ZNF215: variants seen among roughly 807,000 people sequenced by gnomAD.
ZNF215 encodes zinc finger protein 215.
Under a neutral mutation model 27.2 loss-of-function variants are expected in ZNF215, and 24 were observed. The ratio of observed to expected loss-of-function variants is 0.88; its 90% CI spans 0.64 to 1.24. The LOEUF (loss-of-function observed/expected upper bound fraction) is 1.24, where lower values mean the gene tolerates loss of function less well. Ranked by LOEUF, ZNF215 falls within the 50% of genes most tolerant of loss-of-function variation. The probability of loss-of-function intolerance (pLI) is 0.00; values close to 1 mark genes in which losing one functional copy is unlikely to be tolerated. For synonymous variants in ZNF215, 210 were observed against 204.0 expected, an observed-to-expected ratio of 1.03 and a Z score of -0.25; for missense variants, 675 against 605.7, an observed-to-expected ratio of 1.11 and a Z score of -1.20.
At chr11:6,948,252 C>G (rs1849897508) in intron 6 of ZNF215, among the ~76,000 whole-genome samples, 1 of 152,294 alleles carries the variant, frequency 6.6e-6, no homozygotes, top group African/African-American at 2.4e-5. Flanking sequence ...CCCCCAGAGT[C>G]TCACCTACTA....
At chr11:6,935,284 G>A (rs1170059908) in intron 3 of ZNF215, among the ~76,000 whole-genome samples, 1 of 152,214 alleles carries the variant, frequency 6.6e-6, no homozygotes, top group Non-Finnish European at 1.5e-5. Context: ...TGACCTTCAA[G>A]TGCTACACAA....
chr11:6,972,178 A>G (rs1850731183), intron 5 of ZNF215, among the ~76,000 whole-genome samples: 1 of 152,208 alleles, frequency 6.6e-6, no homozygotes, highest in Non-Finnish European at 1.5e-5. Context: ...AGGCATCAGT[A>G]ACCTTTTGTT....
At chr11:6,991,962 G>A (rs1356127667), downstream of ZNF215, among the ~76,000 whole-genome samples, 5 of 152,100 alleles carry the variant, frequency 3.3e-5, no homozygotes, top group Non-Finnish European at 7.3e-5. Context: ...TCCCCTTCCT[G>A]TGAATCTAGG....
intron 3 of ZNF215, among the ~76,000 whole-genome samples, chr11:6,939,220 A>T (rs117191242): frequency 6.6e-6 from 1 of 152,296 alleles, no homozygotes; most frequent in East Asian, 1.9e-4. Context: ...GGGTTGCTGG[A>T]AGGGGTGTCT....
chr11:6,955,938 A>G lies in ZNF215; in HGVS notation c.961A>G (p.Ile321Val), dbSNP rs1209999596. 8.7e-6 allele frequency: 14 copies of G among 1,613,054 alleles called. 1 individual carries two copies. Among genetic ancestry groups the G allele is most frequent in the African/African-American group, 1.3e-5 (1 of 74,834 alleles). ...TAATTCAGTTAGCTCAATTTGTGCTATACAAGTGGGAATTCCTTCAAGAAA... is the reference window on the plus strand; with the variant it reads ...TAATTCAGTTAGCTCAATTTGTGCTGTACAAGTGGGAATTCCTTCAAGAAA... ...DINSVSSICA[I>V]QVGIPSRKGS... Residue 321 changes from isoleucine (I) to valine (V), a missense_variant, in exon 7 of 7, where the codon ATA becomes GTA. Transcript: ENST00000278319.
At chr11:6,950,767 A>G (rs1336946709) in intron 6 of ZNF215, among the ~76,000 whole-genome samples, 14 of 148,562 alleles carry the variant, frequency 9.4e-5, no homozygotes, top group Non-Finnish European at 1.6e-4. Flanking sequence ...TTCCAACACT[A>G]TGTTGAATAG....
At chr11:6,933,615 G>A (rs1467386030) in intron 3 of ZNF215, among the ~76,000 whole-genome samples, 11 of 151,722 alleles carry the variant, frequency 7.3e-5, no homozygotes, top group Admixed American at 5.9e-4. Context: ...GTGAAACCCC[G>A]TCTCTACTAA....
Position 6,956,390 on chromosome 11 carries a change from C to T in ZNF215, c.1413C>T (p.Phe471=), listed in dbSNP as rs748539910. The T allele has an allele frequency of 6.2e-6, 10 of 1,614,046 alleles. No individual in the cohort carries two copies. Among genetic ancestry groups the T allele is most frequent in the Admixed American group, 1.7e-5 (1 of 59,992 alleles). The change falls in exon 7 of 7, where the codon TTC becomes TTT. Residue 471 remains phenylalanine, a synonymous_variant. Coordinates refer to ENST00000278319, the MANE Select transcript of ZNF215 (RefSeq NM_013250.4). ...AATGTGTTAACTGTGGAAAATCCTT[C>T]AACCGGAGCTCCTCTCTTATTCGAC... ...FYQCVNCGKS[F]NRSSSLIRHQ...
At chr11:6,961,654 C>T (rs1340784662), downstream of ZNF215, among the ~76,000 whole-genome samples, 1 of 152,124 alleles carries the variant, frequency 6.6e-6, no homozygotes, top group Non-Finnish European at 1.5e-5. Context: ...TTTCAGACTG[C>T]CATCGGGCCT....
In ZNF215 at chr11:6,932,257, A is replaced by G. The variant is rs753784505; in HGVS notation, c.-16A>G. ...TAAGGCGGATTTGAACTACTGTGGGAGTTCTATTTAGGAAGATGCAGCCTC... is the reference window on the plus strand; with the variant it reads ...TAAGGCGGATTTGAACTACTGTGGGGGTTCTATTTAGGAAGATGCAGCCTC... On this transcript the variant is annotated 5_prime_UTR_variant, in exon 3 of 7. Transcript: ENST00000278319. 8.7e-6 allele frequency: 14 copies of G among 1,608,410 alleles called. No individual in the cohort carries two copies. Among genetic ancestry groups the G allele is most frequent in the Non-Finnish European group, 1.2e-5 (14 of 1,177,302 alleles).
chr11:6,949,769 T>A (rs1008503886), intron 6 of ZNF215, among the ~76,000 whole-genome samples: 3 of 152,296 alleles, frequency 2.0e-5, no homozygotes, highest in East Asian at 1.9e-4. Context: ...GGCTTTTGTT[T>A]CCATTGCTTT....
At chr11:6,934,851 G>A (rs1164952331) in intron 3 of ZNF215, among the ~76,000 whole-genome samples, 1 of 152,124 alleles carries the variant, frequency 6.6e-6, no homozygotes, top group African/African-American at 2.4e-5. Flanking sequence ...TGCCCATCAT[G>A]TGGGTTAAAA....
chr11:6,927,804 T>G lies in ZNF215; in HGVS notation c.-183T>G, dbSNP rs1158332987. 6.6e-6 allele frequency: 1 copy of G among 152,246 alleles called. No individual in the cohort carries two copies. Among genetic ancestry groups the G allele is most frequent in the South Asian group, 2.1e-4 (1 of 4,832 alleles). 9.4% of individuals were successfully genotyped at this position (152,246 alleles called of 1,614,324 possible). A position where few individuals can be genotyped will look rare whatever the true frequency, so the allele number is the denominator to read the frequency against. On this transcript the variant is annotated 5_prime_UTR_variant, in exon 2 of 7. Coordinates refer to ENST00000278319, the MANE Select transcript of ZNF215 (RefSeq NM_013250.4). ...TCCCTGTCCTAGCTCTGTAACTGTT[T>G]ACAGTGAGTAATTCATTAATTTGTG...
At chr11:6,969,512 C>G (rs148959083) in intron 5 of ZNF215, among the ~76,000 whole-genome samples, 368 of 151,832 alleles carry the variant, frequency 2.4e-3, no homozygotes, top group African/African-American at 8.2e-3. Flanking sequence ...TGAATGTACT[C>G]CATTTTAAAT....
chr11:6,943,514 G>T (rs1849701638), intron 5 of ZNF215, 32 bp from the exon 6 acceptor site: 3 of 1,563,342 alleles, frequency 1.9e-6, no homozygotes, highest in Non-Finnish European at 2.6e-6. Flanking sequence ...TATGTTTGTT[G>T]TTGTTGTTCT....
chr11:6,938,197 C>G (rs1849504210), intron 3 of ZNF215, among the ~76,000 whole-genome samples: 1 of 151,972 alleles, frequency 6.6e-6, no homozygotes, highest in Admixed American at 6.6e-5. Context: ...ATAGATATTT[C>G]TCCAAAGAAG....
chr11:6,949,119 G>A (rs1849942778), intron 6 of ZNF215, among the ~76,000 whole-genome samples: 2 of 151,096 alleles, frequency 1.3e-5, no homozygotes, highest in African/African-American at 4.9e-5. Context: ...TGGTGTATAT[G>A]TGCCACATTT....
At chr11:6,972,408 CTT>C (rs11299060) in intron 5 of ZNF215, among the ~76,000 whole-genome samples, 37,331 of 148,396 alleles carry the variant, frequency 0.25, 5,475 homozygotes, top group East Asian at 0.37. Context: ...TCCTAGGAGA[CTT>C]TTTTTTTTTT....
In ZNF215 at chr11:6,932,447, G is replaced by A. The variant is rs2133156661; in HGVS notation, c.175G>A (p.Val59Met). 6.2e-7 allele frequency: 1 copy of A among 1,614,200 alleles called. No individual in the cohort carries two copies. Among genetic ancestry groups the A allele is most frequent in the Non-Finnish European group, 8.5e-7 (1 of 1,180,024 alleles). Residue 59 changes from valine (V) to methionine (M), a missense_variant, in exon 3 of 7, where the codon GTG becomes ATG. By Grantham distance (21) the Val-to-Met change is conservative. Coordinates refer to ENST00000278319, the MANE Select transcript of ZNF215 (RefSeq NM_013250.4). ...GTTCAGACATTTCCAGTATTTGAAA[G>A]TGTCTGGGCCCCATGAAGCCCTGAG... ...QKFRHFQYLK[V>M]SGPHEALSQL...
Sources: allele counts gnomAD v4.1 joint callset (sites outside exome capture counted in the v4.1 genomes callset), GRCh38; gene constraint gnomAD v4.1.1; transcripts MANE v1.5; gene names NCBI Gene and HGNC (gene_info 2026-07-23, HGNC 2026-07-21).